MRPL1: variants seen among roughly 807,000 people sequenced by gnomAD.
MRPL1 encodes large ribosomal subunit protein uL1m.
A neutral mutation model predicts 38.0 loss-of-function variants in MRPL1; 28 were observed. That is an observed-to-expected ratio of 0.74 (90% CI 0.55 to 1.01). The LOEUF (loss-of-function observed/expected upper bound fraction) is 1.01. MRPL1 is among the 50% of genes least tolerant of loss of function. MRPL1 has a pLI of 0.00. For synonymous variants in MRPL1, 123 were observed against 126.7 expected, an observed-to-expected ratio of 0.97 and a Z score of 0.20; for missense variants, 358 against 389.8, an observed-to-expected ratio of 0.92 and a Z score of 0.69.
chr4:77,865,427 C>CT (rs35296658), intron 1 of MRPL1, among the ~76,000 whole-genome samples: 21,270 of 144,540 alleles, frequency 0.15, 1,714 homozygotes, highest in Middle Eastern at 0.22. Flanking sequence ...ATCCTTGACT[C>CT]TTTTTTTTTT....
chr4:77,907,530 C>G (rs974670829), intron 6 of MRPL1, among the ~76,000 whole-genome samples: 7 of 142,082 alleles, frequency 4.9e-5, no homozygotes, highest in East Asian at 2.2e-4. Context: ...CTCCTTCCCT[C>G]TCTCTCTCTC....
intron 7 of MRPL1, among the ~76,000 whole-genome samples, chr4:77,939,075 C>G (rs566949469): frequency 4.6e-5 from 7 of 152,158 alleles, no homozygotes; most frequent in Non-Finnish European, 8.8e-5. Context: ...CCCCTCCCAC[C>G]CTTTCCCTTG....
intron 1 of MRPL1, chr4:77,863,142 G>A (rs1578033743): frequency 3.8e-6 from 2 of 530,072 alleles, no homozygotes; most frequent in Non-Finnish European, 6.7e-6. Flanking sequence ...GGCATGGCAA[G>A]GACTGGGTCG....
At chr4:77,885,392 G>C in intron 4 of MRPL1, 53 bp downstream of exon 4, 24 of 1,367,678 alleles carry the variant, frequency 1.8e-5, no homozygotes, top group Non-Finnish European at 2.4e-5. Context: ...TTTTGAGACG[G>C]AGTCTCACTC....
At chr4:77,917,608 T>C (rs1223884102) in intron 7 of MRPL1, among the ~76,000 whole-genome samples, 1 of 152,208 alleles carries the variant, frequency 6.6e-6, no homozygotes, top group Non-Finnish European at 1.5e-5. Context: ...GTAAATTCTC[T>C]TTAACAAATA....
chr4:77,873,815 A>T (rs1224975383), intron 2 of MRPL1, among the ~76,000 whole-genome samples: 1 of 152,224 alleles, frequency 6.6e-6, no homozygotes, highest in Non-Finnish European at 1.5e-5. Flanking sequence ...AGTAGATAAA[A>T]GATAATTCAT....
chr4:77,919,477 TTCA>T (rs111695886), intron 7 of MRPL1, among the ~76,000 whole-genome samples: 9,598 of 152,206 alleles, frequency 0.063, 456 homozygotes, highest in African/African-American at 0.14. Context: ...GTTCTTTCCT[TTCA>T]CTTTTGTTAA....
intron 7 of MRPL1, among the ~76,000 whole-genome samples, chr4:77,924,595 A>G (rs1222302814): frequency 6.6e-6 from 1 of 151,978 alleles, no homozygotes; most frequent in African/African-American, 2.4e-5. Flanking sequence ...TTTTTTTCAT[A>G]GTGCTTATTG....
chr4:77,896,749 G>A (rs1735923335), intron 6 of MRPL1, among the ~76,000 whole-genome samples: 1 of 152,100 alleles, frequency 6.6e-6, no homozygotes, highest in Non-Finnish European at 1.5e-5. Flanking sequence ...ACATTTTGCA[G>A]CTTGTTTAAT....
chr4:77,919,470 CT>C (rs1736512694), intron 7 of MRPL1, among the ~76,000 whole-genome samples: 1 of 150,686 alleles, frequency 6.6e-6, no homozygotes, highest in Admixed American at 6.6e-5. Flanking sequence ...CTAAAATGTT[CT>C]TTCCTTTCAC....
chr4:77,864,785 A>C (rs952517816), intron 1 of MRPL1: 1 of 152,226 alleles, frequency 6.6e-6, no homozygotes, highest in African/African-American at 2.4e-5. Context: ...GAGGTTCATT[A>C]AAGCACTGGA....
At chr4:77,898,634 G>A (rs562433481) in intron 6 of MRPL1, among the ~76,000 whole-genome samples, 1 of 151,978 alleles carries the variant, frequency 6.6e-6, no homozygotes, top group Admixed American at 6.6e-5. Flanking sequence ...GAGATTACAG[G>A]TGTGCGCCAC....
intron 1 of MRPL1, among the ~76,000 whole-genome samples, chr4:77,869,969 A>G (rs553979517): frequency 2.0e-5 from 3 of 152,126 alleles, no homozygotes; most frequent in African/African-American, 7.2e-5. Flanking sequence ...TGCAGCCTCA[A>G]CTTTCCTGGC....
chr4:77,887,350 CATTG>C, intron 5 of MRPL1, 59 bp downstream of exon 5: 1 of 1,318,776 alleles, frequency 7.6e-7, no homozygotes. Context: ...CTTTACCATT[CATTG>C]ATCTGTTATA....
intron 8 of MRPL1, among the ~76,000 whole-genome samples, chr4:77,951,851 C>G (rs1380315204): frequency 6.6e-6 from 1 of 152,136 alleles, no homozygotes; most frequent in Non-Finnish European, 1.5e-5. Context: ...TGCTGCTTAT[C>G]CGGAGATCAT....
At chr4:77,939,555 C>G (rs569757322) in intron 7 of MRPL1, among the ~76,000 whole-genome samples, 2 of 152,238 alleles carry the variant, frequency 1.3e-5, no homozygotes, top group Admixed American at 1.3e-4. Context: ...GAAGTTCCAT[C>G]TATTTATCTT....
At chr4:77,948,081 T>TA (rs1258456873) in intron 7 of MRPL1, among the ~76,000 whole-genome samples, 1 of 152,236 alleles carries the variant, frequency 6.6e-6, no homozygotes, top group Non-Finnish European at 1.5e-5. Context: ...AAAGTATAGT[T>TA]ACAAAAATCT....
intron 7 of MRPL1, among the ~76,000 whole-genome samples, chr4:77,910,631 A>G (rs567325944): frequency 6.6e-6 from 1 of 152,160 alleles, no homozygotes; most frequent in East Asian, 1.9e-4. Flanking sequence ...GCTGGGTGCT[A>G]TGTTGCCCAG....
At chr4:77,949,029 C>G (rs1387757169) in intron 7 of MRPL1, among the ~76,000 whole-genome samples, 2 of 152,160 alleles carry the variant, frequency 1.3e-5, no homozygotes, top group African/African-American at 2.4e-5. Context: ...CCTTGGCCTC[C>G]CAAAGTGCTG....
Sources: gnomAD v4.1 joint callset for allele counts (sites outside exome capture counted in the v4.1 genomes callset) on GRCh38, gnomAD v4.1.1 for gene constraint, MANE v1.5 for transcripts, NCBI Gene and HGNC (gene_info 2026-07-23, HGNC 2026-07-21) for gene names.